The following CHST11 variants were observed in gnomAD, a reference collection of about 807,000 sequenced individuals.
CHST11 encodes the protein carbohydrate sulfotransferase 11.
CHST11 carries 9 observed loss-of-function variants against 30.4 expected under a neutral mutation model. That is an observed-to-expected ratio of 0.30 (90% CI 0.18 to 0.52). The LOEUF (loss-of-function observed/expected upper bound fraction) is 0.52. CHST11 is among the 20% of genes least tolerant of loss of function. The pLI is 0.97. For synonymous variants in CHST11, 152 were observed against 187.8 expected, an observed-to-expected ratio of 0.81 and a Z score of 1.56; for missense variants, 348 against 460.6, an observed-to-expected ratio of 0.76 and a Z score of 2.24.
At chr12:104,465,963 G>A (rs1449711237) in intron 1 of CHST11, among the ~76,000 whole-genome samples, 5 of 151,800 alleles carry the variant, frequency 3.3e-5, no homozygotes, top group Non-Finnish European at 7.4e-5. Context: ...GGGTTCAAGC[G>A]ATTCTCCTGC....
chr12:104,606,342 G>T (rs143837355), intron 2 of CHST11, among the ~76,000 whole-genome samples: 5 of 151,812 alleles, frequency 3.3e-5, no homozygotes, highest in Admixed American at 6.6e-5. Flanking sequence ...AGGAGGATGA[G>T]GAGGGAGAAG....
At chr12:104,516,459 C>T (rs541223426) in intron 1 of CHST11, among the ~76,000 whole-genome samples, 1 of 152,222 alleles carries the variant, frequency 6.6e-6, no homozygotes, top group Admixed American at 6.5e-5. Flanking sequence ...TCTTGCTAGT[C>T]ATCATCCCTT....
At chr12:104,734,802 G>T (rs938491518) in intron 2 of CHST11, among the ~76,000 whole-genome samples, 1 of 152,206 alleles carries the variant, frequency 6.6e-6, no homozygotes, top group Non-Finnish European at 1.5e-5. Flanking sequence ...AACAGCAAGA[G>T]AACACAGACA....
intron 2 of CHST11, among the ~76,000 whole-genome samples, chr12:104,744,607 A>G (rs2040374199): frequency 6.6e-6 from 1 of 152,144 alleles, no homozygotes; most frequent in Admixed American, 6.5e-5. Flanking sequence ...CTTTAGTTAC[A>G]TTAGATCCCA....
chr12:104,658,871 C>T (rs917927670), intron 2 of CHST11, among the ~76,000 whole-genome samples: 11 of 152,218 alleles, frequency 7.2e-5, no homozygotes, highest in African/African-American at 2.7e-4. Flanking sequence ...ATTGTATAAA[C>T]AAGGGAACTG....
At chr12:104,576,934 C>T (rs190608353) in intron 1 of CHST11, among the ~76,000 whole-genome samples, 2 of 152,152 alleles carry the variant, frequency 1.3e-5, no homozygotes, top group Admixed American at 6.5e-5. Context: ...CGGGTGGGGA[C>T]AGTGCTCTGA....
intron 2 of CHST11, among the ~76,000 whole-genome samples, chr12:104,646,620 T>G (rs1433805656): frequency 2.0e-5 from 3 of 151,814 alleles, no homozygotes; most frequent in Non-Finnish European, 4.4e-5. Context: ...TAGTCCCAGC[T>G]AGTTGACTAC....
chr12:104,734,914 T>C (rs2136134862), intron 2 of CHST11, among the ~76,000 whole-genome samples: 1 of 152,354 alleles, frequency 6.6e-6, no homozygotes, highest in South Asian at 2.1e-4. Context: ...TTCTGTATCA[T>C]CATCGTGTTG....
In CHST11 at chr12:104,729,081, C is replaced by T. The variant is rs1374481213; in HGVS notation, c.205-27868C>T. ...ATTTTATTTTCGTGTTATTGTTTTC[C>T]TCTAATTATTACCATTAGTTTCTGC... On this transcript the variant is annotated intron_variant, in intron 2 of 2. Coordinates refer to ENST00000303694, the MANE Select transcript of CHST11 (RefSeq NM_018413.6). This position sits in a 1 kb window ranked among gnomAD's most constrained non-coding sequence, Gnocchi z 4.0. Among the ~76,000 whole-genome samples, 2 of 152,062 alleles carry T rather than the reference C, an allele frequency of 1.3e-5. No homozygotes were observed. The highest frequency in any genetic ancestry group is 4.8e-5 in the African/African-American group (2 of 41,384).
At chr12:104,581,546 G>A (rs145043223) in intron 1 of CHST11, among the ~76,000 whole-genome samples, 8 of 152,314 alleles carry the variant, frequency 5.3e-5, no homozygotes, top group Non-Finnish European at 1.2e-4. Context: ...ACTGGAAACC[G>A]TTGATTTAAA....
intron 1 of CHST11, among the ~76,000 whole-genome samples, chr12:104,572,080 G>A (rs1232847162): frequency 6.6e-6 from 1 of 151,884 alleles, no homozygotes; most frequent in African/African-American, 2.4e-5. Flanking sequence ...GATCATGGTG[G>A]ATAAGCTTTT....
At chr12:104,487,838 C>T (rs7960741) in intron 1 of CHST11, among the ~76,000 whole-genome samples, 43,202 of 151,402 alleles carry the variant, frequency 0.29, 7,104 homozygotes, top group East Asian at 0.5. Flanking sequence ...AATACTGGTA[C>T]ATTTTTCTTT....
At chr12:104,705,556 G>C (rs576650405) in intron 2 of CHST11, among the ~76,000 whole-genome samples, 1 of 152,132 alleles carries the variant, frequency 6.6e-6, no homozygotes, top group African/African-American at 2.4e-5. Flanking sequence ...ATGGGGAGCC[G>C]GGTAATAAAC....
chr12:104,473,506 A>G (rs1241737477), intron 1 of CHST11, among the ~76,000 whole-genome samples: 1 of 152,168 alleles, frequency 6.6e-6, no homozygotes, highest in Non-Finnish European at 1.5e-5. Flanking sequence ...GGGCTGCCCT[A>G]GAGATGAGCA....
chr12:104,630,563 A>T (rs1402510285), intron 2 of CHST11, among the ~76,000 whole-genome samples: 1 of 152,212 alleles, frequency 6.6e-6, no homozygotes, highest in Non-Finnish European at 1.5e-5. Flanking sequence ...GACACCAGAG[A>T]ATATCAATGA....
chr12:104,517,962 C>T (rs898743907), intron 1 of CHST11, among the ~76,000 whole-genome samples: 4 of 152,134 alleles, frequency 2.6e-5, no homozygotes, highest in East Asian at 1.9e-4. Context: ...GATCTAAGGT[C>T]GCTTTGGCAG....
At chr12:104,648,465 C>A (rs2039457737) in intron 2 of CHST11, among the ~76,000 whole-genome samples, 1 of 152,142 alleles carries the variant, frequency 6.6e-6, no homozygotes, top group Non-Finnish European at 1.5e-5. Context: ...CAAGGTCTGG[C>A]AGGAAACAAA....
At chr12:104,672,119 G>T (rs938005649) in intron 2 of CHST11, among the ~76,000 whole-genome samples, 1 of 152,178 alleles carries the variant, frequency 6.6e-6, no homozygotes, top group South Asian at 2.1e-4. Context: ...TGGGTAGCTC[G>T]AGTTCTCCAT....
At position 104,478,376 on chromosome 12, in the gene CHST11, G is replaced by A. The variant is rs1208023525; in HGVS notation, c.118+20847G>A. Among the ~76,000 whole-genome samples, 7 of 152,182 alleles carry A rather than the reference G, an allele frequency of 4.6e-5. 1 individual carries two copies. In the South Asian group the frequency reaches 1.0e-3, roughly 23 times the overall value. On this transcript the variant is annotated intron_variant, in intron 1 of 2. Transcript: ENST00000303694. The stretch of plus-strand genomic sequence containing the variant: ...TAAGTAAAAATGTGATGTTTGCCAC[G>A]TGAATGCAGTGCCAGCACCTCTCTT...
Sources: gnomAD v4.1 joint callset for allele counts (sites outside exome capture counted in the v4.1 genomes callset) on GRCh38, gnomAD v4.1.1 for gene constraint, Gnocchi (gnomAD v3.1) non-coding constraint, MANE v1.5 for transcripts, NCBI Gene and HGNC (gene_info 2026-07-23, HGNC 2026-07-21) for gene names.